CEP170: variants seen among roughly 807,000 people sequenced by gnomAD.
CEP170 encodes the protein centrosomal protein of 170 kDa.
In CEP170, 21 loss-of-function variants were observed where a neutral mutation model predicts 151.9. The observed-to-expected ratio is 0.14, with a 90% CI of 0.10 to 0.20. The LOEUF (loss-of-function observed/expected upper bound fraction) is 0.20. CEP170 is among the 10% of genes least tolerant of loss of function. CEP170 has a pLI of 1.00. For missense variants in CEP170, 964 were observed against 1,892.9 expected, an observed-to-expected ratio of 0.51 and a Z score of 9.11; for synonymous variants, 356 against 648.8, an observed-to-expected ratio of 0.55 and a Z score of 6.86.
chr1:243,157,646 G>A (rs2057676755), intron 13 of CEP170, among the ~76,000 whole-genome samples: 1 of 152,160 alleles, frequency 6.6e-6, no homozygotes, highest in Non-Finnish European at 1.5e-5. Context: ...ACCCTAAGCT[G>A]CACAGAATCC....
intron 4 of CEP170, among the ~76,000 whole-genome samples, chr1:243,208,073 CAT>C (rs1435931671): frequency 6.6e-6 from 1 of 152,048 alleles, no homozygotes; most frequent in Non-Finnish European, 1.5e-5. Context: ...CTTCCTTTTT[CAT>C]ATTGCTCAGG....
In CEP170 at chr1:243,145,951, C is replaced by T. The variant is rs1052474382; in HGVS notation, c.3912-3488G>A. ...ACACTATCTAGAAGAGTTTAGTAAG[C>T]AAAAAAAGTTTTGTAAGAGGAAAGA... On this transcript the variant is annotated intron_variant, in intron 14 of 19. Coordinates refer to ENST00000366542, the MANE Select transcript of CEP170 (RefSeq NM_014812.3). Among the ~76,000 whole-genome samples, 31 of 151,036 alleles carry T rather than the reference C, an allele frequency of 2.1e-4. 1 individual carries two copies. The highest frequency in any genetic ancestry group is 7.5e-4 in the African/African-American group (31 of 41,086).
At chr1:243,189,338 C>T (rs1004668797) in intron 8 of CEP170, among the ~76,000 whole-genome samples, 1 of 151,862 alleles carries the variant, frequency 6.6e-6, no homozygotes, top group African/African-American at 2.4e-5. Flanking sequence ...GGGTGGATCA[C>T]GAGGTCAGGA....
intron 1 of CEP170, among the ~76,000 whole-genome samples, chr1:243,229,130 A>G (rs891391386): frequency 6.6e-6 from 1 of 152,240 alleles, no homozygotes; most frequent in Non-Finnish European, 1.5e-5. Flanking sequence ...ACACATGGAT[A>G]AAACTAAAAC....
intron 4 of CEP170, among the ~76,000 whole-genome samples, chr1:243,202,764 A>G (rs1400971970): frequency 2.0e-5 from 3 of 152,140 alleles, no homozygotes; most frequent in Non-Finnish European, 4.4e-5. Context: ...AAACTCATAA[A>G]CAGCTAGAGA....
At chr1:243,187,120 T>G (rs1464661169) in intron 8 of CEP170, among the ~76,000 whole-genome samples, 3 of 152,198 alleles carry the variant, frequency 2.0e-5, no homozygotes, top group Non-Finnish European at 4.4e-5. Flanking sequence ...GGGTCATCTA[T>G]GAAATCTCCA....
chr1:243,127,584 A>T (rs959736619), intron 19 of CEP170, among the ~76,000 whole-genome samples: 14 of 152,314 alleles, frequency 9.2e-5, no homozygotes, highest in Middle Eastern at 3.4e-3. Context: ...GTTGGGGCTA[A>T]ATAAAGATGA....
At chr1:243,172,386 G>A (rs558437590) in intron 11 of CEP170, among the ~76,000 whole-genome samples, 1 of 152,258 alleles carries the variant, frequency 6.6e-6, no homozygotes, top group East Asian at 1.9e-4. Flanking sequence ...TGTAATCCTC[G>A]CACCATGGGA....
intron 4 of CEP170, 55 bp from the exon 5 acceptor site, chr1:243,200,890 A>G (rs1323269681): frequency 3.2e-6 from 5 of 1,564,954 alleles, no homozygotes; most frequent in Non-Finnish European, 4.3e-6. Flanking sequence ...TGAGCTAAAA[A>G]TCGTCATCAA....
chr1:243,158,981 T>C (rs2057813043), intron 13 of CEP170, among the ~76,000 whole-genome samples: 1 of 152,048 alleles, frequency 6.6e-6, no homozygotes, highest in African/African-American at 2.4e-5. Context: ...AGAGGAGAAT[T>C]ACGTGAACCC....
chr1:243,242,448 GACC>G (rs1293937181), intron 1 of CEP170, among the ~76,000 whole-genome samples: 4 of 152,034 alleles, frequency 2.6e-5, no homozygotes, highest in Non-Finnish European at 5.9e-5. Context: ...TCGATCTCCT[GACC>G]ACATGATCTA....
At chr1:243,207,412 G>T (rs1485881776) in intron 4 of CEP170, among the ~76,000 whole-genome samples, 7 of 152,172 alleles carry the variant, frequency 4.6e-5, no homozygotes. Flanking sequence ...CTGCAAGGAG[G>T]AGGGGGCGAA....
At position 243,143,492 on chromosome 1, in the gene CEP170, T is replaced by G. The variant is rs188916682; in HGVS notation, c.3912-1029A>C. On this transcript the variant is annotated intron_variant, in intron 14 of 19. Coordinates refer to ENST00000366542, the MANE Select transcript of CEP170 (RefSeq NM_014812.3). ...ATAATCAAAGGTGAAAATAGAGATT[T>G]TTCTTTTAGAGTTTTTTTTAAGAGG... Among the ~76,000 whole-genome samples the G allele has an allele frequency of 3.0e-4, 46 of 152,304 alleles. No individual in the cohort carries two copies. The East Asian group carries it at 8.1e-3, about 27-fold the overall frequency.
chr1:243,201,000 C>T (rs1184740054), intron 4 of CEP170, among the ~76,000 whole-genome samples, 165 bp from the exon 5 acceptor site: 4 of 151,966 alleles, frequency 2.6e-5, no homozygotes, highest in Non-Finnish European at 2.9e-5. Context: ...CCAATGTAAA[C>T]ATTTTCATTT....
At chr1:243,188,812 T>C (rs963989263) in intron 8 of CEP170, among the ~76,000 whole-genome samples, 2 of 152,250 alleles carry the variant, frequency 1.3e-5, no homozygotes, top group Admixed American at 6.5e-5. Flanking sequence ...ATTTTTATTA[T>C]TTGCTATAAT....
At chr1:243,235,445 G>T (rs2149091048) in intron 1 of CEP170, among the ~76,000 whole-genome samples, 1 of 152,196 alleles carries the variant, frequency 6.6e-6, no homozygotes, top group South Asian at 2.1e-4. Context: ...TAAATCCACA[G>T]CTGTGCTTTT....
intron 8 of CEP170, among the ~76,000 whole-genome samples, chr1:243,187,039 C>A (rs767418381): frequency 6.6e-6 from 1 of 152,110 alleles, no homozygotes. Context: ...TTTTTGAAAA[C>A]TGCATTTGCA....
intron 1 of CEP170, among the ~76,000 whole-genome samples, chr1:243,240,881 T>C (rs999370276): frequency 2.0e-5 from 3 of 152,152 alleles, no homozygotes; most frequent in African/African-American, 7.2e-5. Flanking sequence ...TTAGTAGAGA[T>C]GAGGTTTCAC....
chr1:243,127,020 T>C (rs1226247437), intron 19 of CEP170, among the ~76,000 whole-genome samples: 1 of 152,300 alleles, frequency 6.6e-6, no homozygotes, highest in East Asian at 1.9e-4. Context: ...AAAAATCTTG[T>C]TGAAATTTGT....
Sources: allele counts gnomAD v4.1 joint callset (sites outside exome capture counted in the v4.1 genomes callset), GRCh38; gene constraint gnomAD v4.1.1; transcripts MANE v1.5; gene names NCBI Gene and HGNC (gene_info 2026-07-23, HGNC 2026-07-21).